KIAA1549: variants seen among roughly 807,000 people sequenced by gnomAD.
KIAA1549 encodes KIAA1549.
In KIAA1549, 70 loss-of-function variants were observed where a neutral mutation model predicts 156.4. That is an observed-to-expected ratio of 0.45 (90% CI 0.37 to 0.55). The LOEUF is 0.55. KIAA1549 is among the 20% of genes least tolerant of loss of function. The probability of loss-of-function intolerance (pLI) is 0.00; values close to 1 mark genes in which losing one functional copy is unlikely to be tolerated. For synonymous variants in KIAA1549, 1,103 were observed against 1,066.4 expected, an observed-to-expected ratio of 1.03 and a Z score of -0.67; for missense variants, 2,428 against 2,540.9, an observed-to-expected ratio of 0.96 and a Z score of 0.96.
At chr7:138,952,073 G>C (rs565270590) in intron 1 of KIAA1549, among the ~76,000 whole-genome samples, 1 of 152,280 alleles carries the variant, frequency 6.6e-6, no homozygotes, top group African/African-American at 2.4e-5. Flanking sequence ...GGACTGCACG[G>C]GTGAACGCAC....
At chr7:138,841,129 C>A (rs1045840219) in intron 18 of KIAA1549, among the ~76,000 whole-genome samples, 2 of 152,088 alleles carry the variant, frequency 1.3e-5, no homozygotes, top group African/African-American at 2.4e-5. Context: ...CAACAAGGAG[C>A]AGCTCATTTA....
At chr7:138,939,070 G>A (rs1036136014) in intron 1 of KIAA1549, among the ~76,000 whole-genome samples, 1 of 152,082 alleles carries the variant, frequency 6.6e-6, no homozygotes, top group Non-Finnish European at 1.5e-5. Context: ...ATACACAAAA[G>A]TTGAAAGACT....
chr7:138,941,977 C>T (rs1224281318), intron 1 of KIAA1549, among the ~76,000 whole-genome samples: 1 of 151,998 alleles, frequency 6.6e-6, no homozygotes. Context: ...TATATTTTAC[C>T]ACATTACAAG....
Position 138,919,352 on chromosome 7 carries a change from C to G in KIAA1549, c.274G>C (p.Val92Leu). ...CCGGGAGCAGTTTCTGTTAAGGCCA[C>G]TTGTGCAGCGCTGTGCCCAGTGCTT... is the stretch of plus-strand genomic sequence containing the variant. ...KKSTGHSAAQ[V>L]ALTETAPGSQ... The change falls in exon 2 of 20, where the codon GTG (valine) becomes CTG (leucine). Residue 92 changes from valine (V) to leucine (L), a missense_variant. Physicochemically the swap from Val to Leu is conservative, Grantham distance 32. Around this residue, in one of 5 missense-constraint regions of KIAA1549, gnomAD observed 893 missense variants for 847.9 expected, o/e 1.05. Transcript: ENST00000422774. 6.2e-7 allele frequency: 1 copy of G among 1,614,028 alleles called. No homozygotes were observed. Among genetic ancestry groups the G allele is most frequent in the East Asian group, 2.2e-5 (1 of 44,886 alleles).
At chr7:138,907,200 A>G in intron 5 of KIAA1549, 98 bp from the exon 6 acceptor site, 2 of 1,012,390 alleles carry the variant, frequency 2.0e-6, no homozygotes, top group Non-Finnish European at 1.4e-6. Context: ...CGATTTTTTT[A>G]AAGGAGGTAA....
chr7:138,961,552 A>G (rs1441856971), intron 1 of KIAA1549, among the ~76,000 whole-genome samples: 3 of 152,112 alleles, frequency 2.0e-5, no homozygotes, highest in African/African-American at 7.2e-5. Context: ...CCACTCAACA[A>G]TCCTTTCACA....
intron 12 of KIAA1549, among the ~76,000 whole-genome samples, chr7:138,874,427 T>C (rs1371980466): frequency 6.6e-6 from 1 of 152,226 alleles, no homozygotes; most frequent in Non-Finnish European, 1.5e-5. Flanking sequence ...AGGTAATGTA[T>C]ATGTTAAATA....
intron 1 of KIAA1549, among the ~76,000 whole-genome samples, chr7:138,937,314 C>T (rs541728264): frequency 6.6e-6 from 1 of 152,174 alleles, no homozygotes; most frequent in Non-Finnish European, 1.5e-5. Flanking sequence ...GCCCCACCAC[C>T]CTACCCCAGA....
intron 1 of KIAA1549, among the ~76,000 whole-genome samples, chr7:138,929,609 C>T (rs143038769): frequency 9.2e-5 from 14 of 152,292 alleles, no homozygotes; most frequent in Non-Finnish European, 1.2e-4. Context: ...ATGTTCTTGA[C>T]GTACTTTTCT....
At chr7:138,887,080 A>C (rs974876394) in intron 10 of KIAA1549, among the ~76,000 whole-genome samples, 1 of 151,620 alleles carries the variant, frequency 6.6e-6, no homozygotes, top group African/African-American at 2.4e-5. Context: ...TTTTATGTAC[A>C]TATTTTTTTA....
intron 2 of KIAA1549, 87 bp downstream of exon 2, chr7:138,916,661 A>G: frequency 1.9e-6 from 3 of 1,546,840 alleles, no homozygotes; most frequent in South Asian, 2.5e-5. Flanking sequence ...GCTCTTAACC[A>G]TGAAGCTCCA....
Position 138,939,628 on chromosome 7 carries a change from T to A in KIAA1549, c.188-20190A>T, listed in dbSNP as rs149298229. ...GTTTTTGGCAAGAATACTCCCTAGG[T>A]GGTCCTCTGTATTTCCACTGTATCA... On this transcript the variant is annotated intron_variant, in intron 1 of 19. Transcript: ENST00000422774. Among the ~76,000 whole-genome samples, 39 of 152,324 alleles carry A rather than the reference T, an allele frequency of 2.6e-4. No homozygotes were observed. In the East Asian group the frequency reaches 7.5e-3, roughly 29 times the overall value.
intron 1 of KIAA1549, among the ~76,000 whole-genome samples, chr7:138,930,198 G>T (rs1291298754): frequency 6.6e-6 from 1 of 152,182 alleles, no homozygotes; most frequent in Non-Finnish European, 1.5e-5. Flanking sequence ...CCTTAAGTTA[G>T]TCAGTAAATC....
Position 138,981,104 on chromosome 7 carries a change from G to C in KIAA1549, c.166C>G (p.Arg56Gly). 8.2e-7 allele frequency: 1 copy of C among 1,224,474 alleles called. No individual in the cohort carries two copies. Among genetic ancestry groups the C allele is most frequent in the Admixed American group, 4.3e-5 (1 of 23,366 alleles). The allele number at this position is 1,224,474 out of a possible 1,614,324, so 75.9% of individuals were successfully genotyped here. A position where few individuals can be genotyped will look rare whatever the true frequency, so the allele number is the denominator to read the frequency against. ...LPGLWLLLLA[R>G]PASCAPDELS... ...TTACCTGGGGCGCACGAGGCCGGCC[G>C]GGCCAGCAGCAGCAGCCAGAGGCCA... is the stretch of plus-strand genomic sequence containing the variant. Residue 56 changes from arginine (R) to glycine (G), a missense_variant, in exon 1 of 20, where the codon CGG (arginine) becomes GGG (glycine). Physicochemically the swap from Arg to Gly is moderately radical, Grantham distance 125. This residue lies in a region of KIAA1549 where 893 missense variants were observed against 847.9 expected (regional missense o/e 1.05). Transcript: ENST00000422774. The surrounding 1 kb of genome is among the most constrained non-coding windows in gnomAD (Gnocchi z 4.5).
At chr7:138,838,383 C>T (rs1314835294) in intron 19 of KIAA1549, among the ~76,000 whole-genome samples, 1 of 152,006 alleles carries the variant, frequency 6.6e-6, no homozygotes, top group Non-Finnish European at 1.5e-5. Flanking sequence ...TGTGAAAGGT[C>T]GGGTGATATC....
At chr7:138,956,348 G>C (rs537571575) in intron 1 of KIAA1549, among the ~76,000 whole-genome samples, 67 of 152,330 alleles carry the variant, frequency 4.4e-4, no homozygotes, top group Non-Finnish European at 7.1e-4. Context: ...CCAGCTTTAT[G>C]AAGCAGCTTA....
intron 1 of KIAA1549, among the ~76,000 whole-genome samples, chr7:138,937,898 G>T (rs1357618850): frequency 6.6e-6 from 1 of 152,152 alleles, no homozygotes; most frequent in Non-Finnish European, 1.5e-5. Flanking sequence ...AAGGTGGGGG[G>T]AGTTTGACTT....
intron 1 of KIAA1549, among the ~76,000 whole-genome samples, chr7:138,955,894 T>C (rs560782010): frequency 4.1e-4 from 62 of 152,224 alleles, no homozygotes; most frequent in Non-Finnish European, 7.8e-4. Flanking sequence ...CGGTTGTTTT[T>C]TGGGGGGTGG....
chr7:138,967,074 G>T (rs1039288154), intron 1 of KIAA1549, among the ~76,000 whole-genome samples: 2 of 152,076 alleles, frequency 1.3e-5, no homozygotes, highest in Non-Finnish European at 2.9e-5. Flanking sequence ...CACCTACCGC[G>T]GAGTAACACA....
Sources: gnomAD v4.1 joint callset for allele counts (sites outside exome capture counted in the v4.1 genomes callset) on GRCh38, gnomAD v4.1.1 for gene constraint, gnomAD v4.1.1 regional missense constraint, Gnocchi (gnomAD v3.1) non-coding constraint, MANE v1.5 for transcripts, NCBI Gene and HGNC (gene_info 2026-07-23, HGNC 2026-07-21) for gene names.